Variants in DPYD observed in about 807,000 individuals in gnomAD.
DPYD encodes the protein dihydropyrimidine dehydrogenase [NADP(+)].
In DPYD, 109 loss-of-function variants were observed where a neutral mutation model predicts 116.2. The observed-to-expected ratio is 0.94, with a 90% CI of 0.80 to 1.10. The LOEUF is 1.10. DPYD is among the 50% of genes least tolerant of loss of function. The pLI is 0.00. For missense variants in DPYD, 1,302 were observed against 1,254.5 expected, an observed-to-expected ratio of 1.04 and a Z score of -0.57; for synonymous variants, 440 against 432.0, an observed-to-expected ratio of 1.02 and a Z score of -0.23.
chr1:97,485,199 G>A (rs1002887896), intron 13 of DPYD, among the ~76,000 whole-genome samples: 68 of 151,794 alleles, frequency 4.5e-4, no homozygotes, highest in South Asian at 6.3e-4. Context: ...ACATACTCTC[G>A]TTTGTTTTTA....
At chr1:97,752,305 C>T (rs1048277021) in intron 3 of DPYD, among the ~76,000 whole-genome samples, 1 of 151,580 alleles carries the variant, frequency 6.6e-6, no homozygotes, top group African/African-American at 2.4e-5. Flanking sequence ...CACACACACA[C>T]ACACACACAC....
At chr1:97,792,948 A>C (rs1438993268) in intron 3 of DPYD, among the ~76,000 whole-genome samples, 1 of 152,210 alleles carries the variant, frequency 6.6e-6, no homozygotes, top group Non-Finnish European at 1.5e-5. Flanking sequence ...CCTGGATGGA[A>C]TTCTAAATCA....
At chr1:97,432,244 G>C (rs991176942) in intron 14 of DPYD, among the ~76,000 whole-genome samples, 1 of 151,998 alleles carries the variant, frequency 6.6e-6, no homozygotes, top group African/African-American at 2.4e-5. Flanking sequence ...TGGGTCATAC[G>C]GTAGTTCTAT....
chr1:97,455,281 C>T (rs1290650499), intron 13 of DPYD, among the ~76,000 whole-genome samples: 2 of 151,870 alleles, frequency 1.3e-5, no homozygotes, highest in African/African-American at 4.8e-5. Context: ...TAGTGTATAT[C>T]GCTATGAGTT....
At chr1:97,726,765 A>C (rs1039744978) in intron 4 of DPYD, among the ~76,000 whole-genome samples, 1 of 151,634 alleles carries the variant, frequency 6.6e-6, no homozygotes, top group Non-Finnish European at 1.5e-5. Flanking sequence ...GTATCTTTCC[A>C]CAAGAATATT....
intron 10 of DPYD, among the ~76,000 whole-genome samples, chr1:97,577,223 C>T (rs1653322810): frequency 6.6e-6 from 1 of 152,182 alleles, no homozygotes; most frequent in South Asian, 2.1e-4. Flanking sequence ...ATTCTATACT[C>T]TACCTCCCTG....
At chr1:97,631,393 A>G (rs1657251800) in intron 8 of DPYD, among the ~76,000 whole-genome samples, 1 of 152,078 alleles carries the variant, frequency 6.6e-6, no homozygotes, top group South Asian at 2.1e-4. Flanking sequence ...AAGACTTATT[A>G]AGGGTGAAAT....
intron 18 of DPYD, among the ~76,000 whole-genome samples, chr1:97,251,660 T>TACACAC (rs530109544): frequency 6.6e-6 from 1 of 151,518 alleles, no homozygotes; most frequent in Non-Finnish European, 1.5e-5. Flanking sequence ...AACATACACA[T>TACACAC]ACACACACAC....
intron 13 of DPYD, among the ~76,000 whole-genome samples, chr1:97,500,967 C>T (rs985462059): frequency 7.9e-5 from 12 of 152,010 alleles, no homozygotes; most frequent in African/African-American, 2.9e-4. Context: ...CTTAATTAGA[C>T]AATTTACTGT....
chr1:97,489,113 T>C (rs1054827561), intron 13 of DPYD, among the ~76,000 whole-genome samples: 10 of 152,344 alleles, frequency 6.6e-5, no homozygotes, highest in East Asian at 1.9e-4. Context: ...AAAAATGTAG[T>C]TGAAGAGACA....
intron 5 of DPYD, among the ~76,000 whole-genome samples, chr1:97,718,493 G>T (rs947400128): frequency 2.0e-5 from 3 of 151,926 alleles, no homozygotes; most frequent in African/African-American, 4.8e-5. Flanking sequence ...ATATTTAGAT[G>T]TCAATATCAT....
At chr1:97,805,252 G>A (rs982597876) in intron 3 of DPYD, among the ~76,000 whole-genome samples, 2 of 151,778 alleles carry the variant, frequency 1.3e-5, no homozygotes, top group Non-Finnish European at 2.9e-5. Context: ...AGGGTGACTA[G>A]GGCAGAGAAC....
chr1:97,169,325 T>C (rs1360675), intron 20 of DPYD, among the ~76,000 whole-genome samples: 151,617 of 152,196 alleles, frequency 1, 75,519 homozygotes, highest in South Asian at 1. Flanking sequence ...CAATATTTAC[T>C]GATGATATCA....
intron 20 of DPYD, among the ~76,000 whole-genome samples, chr1:97,136,291 T>G: frequency 6.6e-6 from 1 of 152,228 alleles, no homozygotes; most frequent in East Asian, 1.9e-4. Flanking sequence ...CTCATTGTGC[T>G]ATGCTTTGTG....
At chr1:97,651,688 T>C (rs943291683) in intron 8 of DPYD, among the ~76,000 whole-genome samples, 1 of 152,142 alleles carries the variant, frequency 6.6e-6, no homozygotes, top group Non-Finnish European at 1.5e-5. Context: ...AAATCCTAAA[T>C]GGTATTATAT....
chr1:97,474,342 TCTAA>T (rs1677831371), intron 13 of DPYD, among the ~76,000 whole-genome samples: 3 of 152,096 alleles, frequency 2.0e-5, no homozygotes, highest in Admixed American at 1.3e-4. Context: ...ACTCTGAGTG[TCTAA>T]CTAAACATAT....
chr1:97,739,820 C>T (rs1377954337), intron 4 of DPYD, among the ~76,000 whole-genome samples: 4 of 151,938 alleles, frequency 2.6e-5, no homozygotes, highest in Non-Finnish European at 4.4e-5. Flanking sequence ...CTTAGACTTA[C>T]ATTGATTTTT....
chr1:97,828,450 A>C (rs1669359326), intron 2 of DPYD, among the ~76,000 whole-genome samples: 1 of 152,196 alleles, frequency 6.6e-6, no homozygotes, highest in Admixed American at 6.5e-5. Context: ...TCAATTTTTC[A>C]AAGTGGATAA....
intron 2 of DPYD, among the ~76,000 whole-genome samples, chr1:97,836,520 C>G (rs1340920238): frequency 6.6e-6 from 1 of 152,104 alleles, no homozygotes; most frequent in Non-Finnish European, 1.5e-5. Context: ...GGTAAACTCA[C>G]AGATGTAAAC....
Sources: allele counts gnomAD v4.1 joint callset (sites outside exome capture counted in the v4.1 genomes callset), GRCh38; gene constraint gnomAD v4.1.1; transcripts MANE v1.5; gene names NCBI Gene and HGNC (gene_info 2026-07-23, HGNC 2026-07-21).